DLG2: variants seen among roughly 807,000 people sequenced by gnomAD.
The protein encoded by DLG2 is discs large MAGUK scaffold protein 2.
Under a neutral mutation model 132.5 loss-of-function variants are expected in DLG2, and 45 were observed. The ratio of observed to expected loss-of-function variants is 0.34; its 90% CI spans 0.27 to 0.44. The LOEUF is 0.44. Ranked by LOEUF, DLG2 falls within the 20% of genes least tolerant of loss-of-function variation. DLG2 has a pLI of 1.00. For missense variants in DLG2, 1,045 were observed against 1,196.9 expected (o/e 0.87, Z 1.87); for synonymous variants, 424 against 419.6 (o/e 1.01, Z -0.13).
chr11:85,233,862 T>C (rs2075436932), intron 4 of DLG2, among the ~76,000 whole-genome samples: 3 of 152,004 alleles, frequency 2.0e-5, no homozygotes, highest in Admixed American at 1.3e-4. Context: ...GAAATATGTG[T>C]TGCAGCTTCA....
At chr11:85,217,247 A>G (rs989468234) in intron 4 of DLG2, among the ~76,000 whole-genome samples, 3 of 151,290 alleles carry the variant, frequency 2.0e-5, no homozygotes, top group African/African-American at 7.3e-5. Flanking sequence ...TTACCACTCA[A>G]TCCTTTAAAG....
At chr11:84,002,242 A>G (rs549684643) in intron 11 of DLG2, among the ~76,000 whole-genome samples, 18 of 152,202 alleles carry the variant, frequency 1.2e-4, no homozygotes, top group Non-Finnish European at 2.1e-4. Flanking sequence ...TGATACATGC[A>G]TTAGTCTGTT....
At chr11:85,142,104 G>A (rs950356727) in intron 5 of DLG2, among the ~76,000 whole-genome samples, 1 of 151,786 alleles carries the variant, frequency 6.6e-6, no homozygotes, top group Non-Finnish European at 1.5e-5. Context: ...AATGTCATTG[G>A]TATTTTGATA....
chr11:85,588,759 T>C (rs1196383046), intron 3 of DLG2, among the ~76,000 whole-genome samples: 1 of 152,122 alleles, frequency 6.6e-6, no homozygotes, highest in Non-Finnish European at 1.5e-5. Context: ...TAAAACCTCA[T>C]CTTGTCATAT....
chr11:85,030,684 T>C (rs886953173), intron 6 of DLG2, among the ~76,000 whole-genome samples: 1 of 152,168 alleles, frequency 6.6e-6, no homozygotes, highest in Non-Finnish European at 1.5e-5. Flanking sequence ...TTTATCTTTA[T>C]AATCCATATG....
intron 11 of DLG2, among the ~76,000 whole-genome samples, chr11:83,983,378 A>G (rs1006754286): frequency 2.6e-4 from 40 of 152,188 alleles, no homozygotes; most frequent in African/African-American, 8.7e-4. Flanking sequence ...CACACCTAGT[A>G]AAATAATAAA....
intron 6 of DLG2, among the ~76,000 whole-genome samples, chr11:85,002,910 A>T (rs544551171): frequency 6.6e-6 from 1 of 152,124 alleles, no homozygotes; most frequent in Admixed American, 6.6e-5. Context: ...CTTTCTTATT[A>T]TAGTCTCAAT....
chr11:84,198,277 G>C (rs956427874), intron 8 of DLG2, among the ~76,000 whole-genome samples: 6 of 152,084 alleles, frequency 3.9e-5, no homozygotes, highest in African/African-American at 9.7e-5. Context: ...AGCCCTTGAT[G>C]CTTTTTCTAT....
chr11:84,095,028 T>C (rs527573774), intron 10 of DLG2, among the ~76,000 whole-genome samples: 8 of 152,214 alleles, frequency 5.3e-5, no homozygotes, highest in South Asian at 4.1e-4. Context: ...TACCTATTTT[T>C]TAAAAATGGT....
At chr11:85,305,625 G>T (rs900419066) in intron 3 of DLG2, among the ~76,000 whole-genome samples, 2 of 152,016 alleles carry the variant, frequency 1.3e-5, no homozygotes, top group African/African-American at 4.8e-5. Flanking sequence ...CCATTCTCCT[G>T]CCTCAGCCTC....
Position 85,344,232 on chromosome 11 carries a change from G to A in DLG2, c.41-58867C>T, listed in dbSNP as rs776855423. Among the ~76,000 whole-genome samples, 5 of 152,234 alleles carry A rather than the reference G, an allele frequency of 3.3e-5. No individual in the cohort carries two copies. In the East Asian group the frequency reaches 7.7e-4, roughly 24 times the overall value. Reference sequence around the variant, plus strand: ...GATCAATCTCATCATCCAAGGCAATGAAAGGAAGGTCTTCTTATGGGGCAT... The same window carrying A: ...GATCAATCTCATCATCCAAGGCAATAAAAGGAAGGTCTTCTTATGGGGCAT... On this transcript the variant is annotated intron_variant, in intron 3 of 27. Transcript: ENST00000376104.
rs35640163 is a variant in DLG2 at position 85,146,227 on chromosome 11, C to CCTCTCTCTCTCTCTCT, written c.282+8313_282+8328dup. Among the ~76,000 whole-genome samples, 657 of 129,152 alleles carry CCTCTCTCTCTCTCTCT rather than the reference C, an allele frequency of 5.1e-3. 10 individuals are homozygous for CCTCTCTCTCTCTCTCT. The highest frequency in any genetic ancestry group is 0.013 in the African/African-American group (437 of 32,844). 84.7% of individuals were successfully genotyped at this position (129,152 alleles called of 152,430 possible). A position where few individuals can be genotyped will look rare whatever the true frequency, so the allele number is the denominator to read the frequency against. ...AAGTCTGTCTGTATGTCTGTTTCTC[C>CCTCTCTCTCTCTCTCT]CTCTCTCTCTCTCTCTCTCTCTCTC... On this transcript the variant is annotated intron_variant, in intron 5 of 27. Coordinates refer to ENST00000376104, the MANE Select transcript of DLG2 (RefSeq NM_001142699.3).
intron 6 of DLG2, among the ~76,000 whole-genome samples, chr11:84,878,089 T>C (rs1335809547): frequency 3.3e-5 from 5 of 152,200 alleles, no homozygotes; most frequent in Admixed American, 3.3e-4. Context: ...TGTGAAGAAA[T>C]AGGAATGTTT....
intron 6 of DLG2, among the ~76,000 whole-genome samples, chr11:84,977,568 T>C (rs192893915): frequency 1.3e-5 from 2 of 152,354 alleles, no homozygotes; most frequent in South Asian, 2.1e-4. Context: ...CATGTTCATC[T>C]AGACCTTTTG....
intron 11 of DLG2, among the ~76,000 whole-genome samples, chr11:84,027,612 G>A (rs1292843516): frequency 6.6e-6 from 1 of 151,956 alleles, no homozygotes. Context: ...CTTACAAAAA[G>A]TAAGTAATGA....
At chr11:83,625,795 G>A (rs904138737) in intron 19 of DLG2, among the ~76,000 whole-genome samples, 18 of 152,252 alleles carry the variant, frequency 1.2e-4, no homozygotes, top group African/African-American at 4.3e-4. Flanking sequence ...CAGCCTGAAA[G>A]GCCTTGCAGC....
chr11:85,161,915 G>C (rs1214843749), intron 4 of DLG2, among the ~76,000 whole-genome samples: 11 of 152,120 alleles, frequency 7.2e-5, no homozygotes, highest in Non-Finnish European at 1.5e-4. Flanking sequence ...AGGAATCAAG[G>C]GGTGGAAGTG....
chr11:84,580,228 C>T (rs1174831567), intron 6 of DLG2, among the ~76,000 whole-genome samples: 1 of 152,146 alleles, frequency 6.6e-6, no homozygotes, highest in Non-Finnish European at 1.5e-5. Flanking sequence ...AAGCCTCAGA[C>T]ATTTTCCTGG....
chr11:84,459,696 T>C (rs978757701), intron 7 of DLG2, among the ~76,000 whole-genome samples: 2 of 150,678 alleles, frequency 1.3e-5, no homozygotes, highest in Admixed American at 6.6e-5. Context: ...TATTTCTAGG[T>C]AGGTTGTGTT....
Sources: allele counts gnomAD v4.1 joint callset (sites outside exome capture counted in the v4.1 genomes callset), GRCh38; gene constraint gnomAD v4.1.1; transcripts MANE v1.5; gene names NCBI Gene and HGNC (gene_info 2026-07-23, HGNC 2026-07-21).